CD81: variants seen among roughly 807,000 people sequenced by gnomAD.
The protein encoded by CD81 is CD81 molecule.
CD81 carries 10 observed loss-of-function variants against 30.1 expected under a neutral mutation model. The ratio of observed to expected loss-of-function variants is 0.33; its 90% CI spans 0.21 to 0.56. The LOEUF (loss-of-function observed/expected upper bound fraction) is 0.56. Ranked by LOEUF, CD81 falls within the 20% of genes least tolerant of loss-of-function variation. CD81 has a pLI of 0.89. For synonymous variants in CD81, 147 were observed against 126.4 expected (o/e 1.16, Z -1.10); for missense variants, 263 against 308.7 (o/e 0.85, Z 1.11).
intron 6 of CD81, 84 bp from the exon 7 acceptor site, chr11:2,396,544 G>A: frequency 8.5e-7 from 1 of 1,175,982 alleles, no homozygotes; most frequent in Non-Finnish European, 1.3e-6. Context: ...CGCTTTCTGT[G>A]GTGACCACGG....
At chr11:2,394,836 C>G (rs1195238417) in intron 3 of CD81, 136 bp from the exon 4 acceptor site, 1 of 801,366 alleles carries the variant, frequency 1.2e-6, no homozygotes, top group Non-Finnish European at 2.2e-6. Context: ...ACAAGCCGCT[C>G]ACTCCTGGTC....
intron 1 of CD81, among the ~76,000 whole-genome samples, chr11:2,380,814 C>T (rs1209582644): frequency 6.6e-6 from 1 of 152,202 alleles, no homozygotes; most frequent in Non-Finnish European, 1.5e-5. Flanking sequence ...CCAGGGAGTC[C>T]AGAAGAGGTG....
chr11:2,396,392 G>A, intron 6 of CD81: 1 of 606,350 alleles, frequency 1.6e-6, no homozygotes, highest in South Asian at 1.9e-5. Flanking sequence ...GATCTCAGTG[G>A]AAAAGGGCAC....
At chr11:2,380,604 A>T (rs1849689171) in intron 1 of CD81, among the ~76,000 whole-genome samples, 1 of 152,104 alleles carries the variant, frequency 6.6e-6, no homozygotes, top group South Asian at 2.1e-4. Context: ...GACATTGCAG[A>T]TGCCCTGGCC....
intron 1 of CD81, among the ~76,000 whole-genome samples, chr11:2,389,528 C>G (rs373863815): frequency 6.6e-6 from 1 of 152,108 alleles, no homozygotes; most frequent in Admixed American, 6.5e-5. Flanking sequence ...CAGACCCCAC[C>G]TGGCTAGAGT....
Position 2,395,948 on chromosome 11 carries a change from A to G in CD81, c.539A>G (p.Asn180Ser). The G allele has an allele frequency of 1.2e-6, 2 of 1,611,554 alleles. No individual in the cohort carries two copies. The highest frequency in any genetic ancestry group is 1.7e-6 in the Non-Finnish European group (2 of 1,178,990). ...AACAATTTGTGTCCCTCGGGCAGCA[A>G]CATCATCAGCAACCTCTTCAAGGTG... ...LKNNLCPSGS[N>S]IISNLFKEDC... The change falls in exon 6 of 8, where the codon AAC becomes AGC. Residue 180 changes from asparagine (N) to serine (S), a missense_variant. Coordinates refer to ENST00000263645, the MANE Select transcript of CD81 (RefSeq NM_004356.4).
chr11:2,376,554 C>T (rs1032356995), upstream of CD81, among the ~76,000 whole-genome samples: 2 of 152,300 alleles, frequency 1.3e-5, no homozygotes, highest in South Asian at 2.1e-4. Flanking sequence ...GGAAGAGCCA[C>T]GGTGTGAGGC....
chr11:2,390,647 G>A lies in CD81; in HGVS notation c.181+121G>A, dbSNP rs554316123. 338 of 762,962 alleles carry A rather than the reference G, an allele frequency of 4.4e-4. 1 individual carries two copies. In the African/African-American group the frequency reaches 5.4e-3, roughly 12 times the overall value. The allele number at this position is 762,962 out of a possible 1,614,324, so 47.3% of individuals were successfully genotyped here. ...GTCGGGCATGGCGTGTCCGGGCAGG[G>A]AGGCGGCCCTGGAAAGGGCTCTGGG... On this transcript the variant is annotated intron_variant, in intron 2 of 7. Coordinates refer to ENST00000263645, the MANE Select transcript of CD81 (RefSeq NM_004356.4).
chr11:2,394,735 T>C (rs532898067), intron 3 of CD81: 1 of 618,664 alleles, frequency 1.6e-6, no homozygotes, highest in East Asian at 2.8e-5. Context: ...ATCCACCCCG[T>C]CCTGTGGAGC....
In CD81 at chr11:2,397,016, C is replaced by T; in HGVS notation, c.*150C>T. ...TTACTTTTGGGGTTTTGTTTTTGTTCTGAACTTTCCTGTTACCTTTTCAGG... is the reference window on the plus strand; with the variant it reads ...TTACTTTTGGGGTTTTGTTTTTGTTTTGAACTTTCCTGTTACCTTTTCAGG... On this transcript the variant is annotated 3_prime_UTR_variant, in exon 8 of 8. Coordinates refer to ENST00000263645, the MANE Select transcript of CD81 (RefSeq NM_004356.4). The T allele has an allele frequency of 1.3e-6, 1 of 755,028 alleles. No individual in the cohort carries two copies. Among genetic ancestry groups the T allele is most frequent in the Non-Finnish European group, 2.2e-6 (1 of 445,144 alleles). The allele number at this position is 755,028 out of a possible 1,614,324, so 46.8% of individuals were successfully genotyped here.
chr11:2,383,980 G>A (rs529255878), intron 1 of CD81, among the ~76,000 whole-genome samples: 1 of 152,314 alleles, frequency 6.6e-6, no homozygotes, highest in African/African-American at 2.4e-5. Flanking sequence ...AGCTGGCATG[G>A]GTAGGGGAGC....
At chr11:2,391,061 GC>G in intron 2 of CD81, 1 of 229,206 alleles carries the variant, frequency 4.4e-6, no homozygotes, top group Non-Finnish European at 8.8e-6. Context: ...TGCCCTCCCT[GC>G]CCCCAGGAGC....
Position 2,377,651 on chromosome 11 carries a change from C to T in CD81, c.66+36C>T. The T allele has an allele frequency of 7.3e-7, 1 of 1,376,076 alleles. No individual in the cohort carries two copies. Among genetic ancestry groups the T allele is most frequent in the Non-Finnish European group, 1.0e-6 (1 of 1,002,946 alleles). The allele number at this position is 1,376,076 out of a possible 1,614,324, so 85.2% of individuals were successfully genotyped here. A position where few individuals can be genotyped will look rare whatever the true frequency, so the allele number is the denominator to read the frequency against. ...CGCCGGGGGCCGGGGCGGGAGGGGG[C>T]AGGCACACACTCCACGTTGGGCAGG... is the stretch of plus-strand genomic sequence containing the variant. On this transcript the variant is annotated intron_variant, in intron 1 of 7. Transcript: ENST00000263645. This position sits in a 1 kb window ranked among gnomAD's most constrained non-coding sequence, Gnocchi z 7.7.
At position 2,377,407 on chromosome 11, in the gene CD81, C is replaced by CCGCGCCCCCGCGCCCCTTTCTT. The variant is rs1554948670; in HGVS notation, c.-131_-110dup. The CCGCGCCCCCGCGCCCCTTTCTT allele has an allele frequency of 1.3e-5, 2 of 156,378 alleles. No individual in the cohort carries two copies. Among genetic ancestry groups the CCGCGCCCCCGCGCCCCTTTCTT allele is most frequent in the African/African-American group, 4.9e-5 (2 of 40,830 alleles). 9.7% of individuals were successfully genotyped at this position (156,378 alleles called of 1,614,324 possible). A position where few individuals can be genotyped will look rare whatever the true frequency, so the allele number is the denominator to read the frequency against. ...CAGCGCCCCACGCGCCCCCGCGCCCCCGCGCCCCCGCGCCCCTTTCTTCGC... is the reference window on the plus strand; with the variant it reads ...CAGCGCCCCACGCGCCCCCGCGCCCCCGCGCCCCCGCGCCCCTTTCTTCGCGCCCCCGCGCCCCTTTCTTCGC... On this transcript the variant is annotated 5_prime_UTR_variant, in exon 1 of 8. Transcript: ENST00000263645. The surrounding 1 kb of genome is among the most constrained non-coding windows in gnomAD (Gnocchi z 7.7).
In CD81 at chr11:2,394,082, C is replaced by T; in HGVS notation, c.182-13C>T. On this transcript the variant is annotated splice_polypyrimidine_tract_variant and intron_variant, in intron 2 of 7. Transcript: ENST00000263645. Reference sequence around the variant, plus strand: ...GTGTGTAGGCACCCACCTGGTGTCTCTCTCCCCGCAAGGCATCTACATCCT... The same window carrying T: ...GTGTGTAGGCACCCACCTGGTGTCTTTCTCCCCGCAAGGCATCTACATCCT... 1.2e-6 allele frequency: 2 copies of T among 1,606,116 alleles called. No homozygotes were observed. Among genetic ancestry groups the T allele is most frequent in the Middle Eastern group, 1.7e-4 (1 of 6,048 alleles).
At chr11:2,385,670 G>GTTCCTTT (rs1564990977) in intron 1 of CD81, 21 of 255,036 alleles carry the variant, frequency 8.2e-5, no homozygotes, top group East Asian at 1.7e-4. Flanking sequence ...CCCGTCGTCT[G>GTTCCTTT]TGCACCCGTG....
At chr11:2,379,569 C>T (rs371303866) in intron 1 of CD81, among the ~76,000 whole-genome samples, 5 of 151,944 alleles carry the variant, frequency 3.3e-5, no homozygotes, top group South Asian at 2.1e-4. Context: ...GCTCTCTGGA[C>T]GGTGTGTCAG....
At chr11:2,388,051 C>G (rs1310155357) in intron 1 of CD81, among the ~76,000 whole-genome samples, 1 of 152,112 alleles carries the variant, frequency 6.6e-6, no homozygotes, top group African/African-American at 2.4e-5. Context: ...CCCTATGAGG[C>G]TTATTTTATT....
Position 2,377,685 on chromosome 11 carries a change from C to A in CD81, c.66+70C>A. On this transcript the variant is annotated intron_variant, in intron 1 of 7. Coordinates refer to ENST00000263645, the MANE Select transcript of CD81 (RefSeq NM_004356.4). This position sits in a 1 kb window ranked among gnomAD's most constrained non-coding sequence, Gnocchi z 7.7. ...ACTCCACGTTGGGCAGGTCCCGCGG[C>A]AGCGTGCTAGGCCCCGCGGGCGCAG... 6 of 1,105,406 alleles carry A rather than the reference C, an allele frequency of 5.4e-6. No individual in the cohort carries two copies. The highest frequency in any genetic ancestry group is 3.6e-5 in the East Asian group (1 of 28,070). The allele number at this position is 1,105,406 out of a possible 1,614,324, so 68.5% of individuals were successfully genotyped here.
Sources: allele counts gnomAD v4.1 joint callset (sites outside exome capture counted in the v4.1 genomes callset), GRCh38; gene constraint gnomAD v4.1.1; non-coding constraint Gnocchi (gnomAD v3.1); transcripts MANE v1.5; gene names NCBI Gene and HGNC (gene_info 2026-07-23, HGNC 2026-07-21).